SCHIP1: variants seen among roughly 807,000 people sequenced by gnomAD.
SCHIP1 encodes schwannomin-interacting protein 1.
A neutral mutation model predicts 29.7 loss-of-function variants in SCHIP1; 8 were observed. The observed-to-expected ratio is 0.27, with a 90% CI of 0.16 to 0.49. SCHIP1 has a LOEUF of 0.49. Among genes scored for constraint, SCHIP1 ranks in the 20% least tolerant of loss-of-function variants. The pLI is 0.99. For synonymous variants in SCHIP1, 76 were observed against 94.9 expected (o/e 0.80, Z 1.16); for missense variants, 193 against 294.6 (o/e 0.66, Z 2.52).
chr3:159,763,262 C>G, the SCHIP1 span, among the ~76,000 whole-genome samples: 2 of 151,820 alleles, frequency 1.3e-5, no homozygotes, highest in African/African-American at 4.8e-5. Flanking sequence ...ACACGTCACT[C>G]GGGCTCCCAC....
At chr3:159,434,367 C>T in the SCHIP1 span, among the ~76,000 whole-genome samples, 9 of 152,032 alleles carry the variant, frequency 5.9e-5, no homozygotes, top group Non-Finnish European at 1.3e-4. Context: ...ATGTCTAAGA[C>T]AGCAGATAGC....
chr3:159,846,090 C>T (rs1711799046), intron 1 of SCHIP1: 2 of 152,192 alleles, frequency 1.3e-5, no homozygotes, highest in South Asian at 4.1e-4. Context: ...AGAGAATTTT[C>T]CCAAGATGAA....
chr3:159,878,807 A>T lies in SCHIP1; in HGVS notation c.150-7400A>T, dbSNP rs564177929. Among the ~76,000 whole-genome samples, 13 of 149,214 alleles carry T rather than the reference A, an allele frequency of 8.7e-5. No homozygotes were observed. The South Asian group carries it at 1.5e-3, about 17-fold the overall frequency. On this transcript the variant is annotated intron_variant, in intron 2 of 6. Coordinates refer to ENST00000445224, the Ensembl canonical transcript of SCHIP1. Reference sequence around the variant, plus strand: ...AAAAAATAAAATAAAATAAAAAAATAAAAAAATAAAAAATAAAAAATAAAT... The same window carrying T: ...AAAAAATAAAATAAAATAAAAAAATTAAAAAATAAAAAATAAAAAATAAAT...
chr3:159,556,560 C>T, the SCHIP1 span, among the ~76,000 whole-genome samples: 2 of 151,970 alleles, frequency 1.3e-5, no homozygotes, highest in Non-Finnish European at 2.9e-5. Context: ...AAATGTGGCA[C>T]ATATACACCA....
chr3:159,435,558 A>T, the SCHIP1 span, among the ~76,000 whole-genome samples: 1 of 152,164 alleles, frequency 6.6e-6, no homozygotes, highest in South Asian at 2.1e-4. Flanking sequence ...AAATGATTGA[A>T]TGTGAACCAG....
chr3:159,490,303 C>A, the SCHIP1 span, among the ~76,000 whole-genome samples: 1 of 152,198 alleles, frequency 6.6e-6, no homozygotes, highest in African/African-American at 2.4e-5. Context: ...TGTCACCACA[C>A]TGCTATGGAA....
At chr3:159,565,402 G>A in the SCHIP1 span, among the ~76,000 whole-genome samples, 3 of 152,136 alleles carry the variant, frequency 2.0e-5, no homozygotes, top group Non-Finnish European at 4.4e-5. Context: ...TACAGCTTTA[G>A]ATGTTTGTTA....
the SCHIP1 span, among the ~76,000 whole-genome samples, chr3:159,809,141 C>T: frequency 3.6e-3 from 538 of 150,740 alleles, 2 homozygotes; most frequent in African/African-American, 0.012. Flanking sequence ...CCCCAGCCCC[C>T]AACCCCCCGC....
the SCHIP1 span, among the ~76,000 whole-genome samples, chr3:159,457,408 T>A: frequency 6.6e-6 from 1 of 151,664 alleles, no homozygotes; most frequent in Non-Finnish European, 1.5e-5. Flanking sequence ...TTTTTTTTTT[T>A]ATGTGTATAA....
At chr3:159,668,945 C>A in the SCHIP1 span, among the ~76,000 whole-genome samples, 1 of 152,138 alleles carries the variant, frequency 6.6e-6, no homozygotes, top group Middle Eastern at 3.2e-3. Context: ...TACCTCACAT[C>A]TGCAATTTCC....
At chr3:159,327,409 G>A in the SCHIP1 span, among the ~76,000 whole-genome samples, 1 of 152,066 alleles carries the variant, frequency 6.6e-6, no homozygotes, top group South Asian at 2.1e-4. Context: ...GGTAGTTTGA[G>A]GACTGGAAAT....
chr3:159,291,028 A>T, the SCHIP1 span, among the ~76,000 whole-genome samples: 6 of 151,928 alleles, frequency 3.9e-5, no homozygotes, highest in Non-Finnish European at 8.8e-5. Flanking sequence ...TAGTGCACCT[A>T]GTTTGTGGTC....
the SCHIP1 span, among the ~76,000 whole-genome samples, chr3:159,464,090 T>C: frequency 6.6e-6 from 1 of 152,168 alleles, no homozygotes; most frequent in African/African-American, 2.4e-5. Flanking sequence ...TTTCCAGAAA[T>C]AGAATTACTA....
chr3:159,619,879 G>C, the SCHIP1 span, among the ~76,000 whole-genome samples: 23 of 152,152 alleles, frequency 1.5e-4, no homozygotes, highest in African/African-American at 5.6e-4. Context: ...TTTCAAAACA[G>C]AATCTTAGAA....
chr3:159,765,454 A>C, the SCHIP1 span: 1 of 292,866 alleles, frequency 3.4e-6, no homozygotes, highest in Admixed American at 5.1e-5. Context: ...CACTTGCCTG[A>C]AAATAAATCC....
chr3:159,372,168 T>C, the SCHIP1 span, among the ~76,000 whole-genome samples: 1 of 152,168 alleles, frequency 6.6e-6, no homozygotes, highest in African/African-American at 2.4e-5. Context: ...TTAAAAGCTG[T>C]TATCTCTAAT....
chr3:159,618,948 T>C, the SCHIP1 span, among the ~76,000 whole-genome samples: 2 of 152,198 alleles, frequency 1.3e-5, no homozygotes, highest in Non-Finnish European at 2.9e-5. Flanking sequence ...TCAGTACTCT[T>C]CCTCTCTTTC....
chr3:159,452,523 G>A, the SCHIP1 span, among the ~76,000 whole-genome samples: 1 of 152,066 alleles, frequency 6.6e-6, no homozygotes, highest in South Asian at 2.1e-4. Flanking sequence ...GTGTATATGT[G>A]CCATATTTTC....
the SCHIP1 span, among the ~76,000 whole-genome samples, chr3:159,469,933 A>G: frequency 6.6e-6 from 1 of 152,184 alleles, no homozygotes; most frequent in Non-Finnish European, 1.5e-5. Context: ...AACAATGTTC[A>G]TTAAATAATA....
Sources: gnomAD v4.1 joint callset for allele counts (sites outside exome capture counted in the v4.1 genomes callset) on GRCh38, gnomAD v4.1.1 for gene constraint, MANE v1.5 for transcripts, NCBI Gene and HGNC (gene_info 2026-07-23, HGNC 2026-07-21) for gene names.